The following UTRN variants were observed in gnomAD, a reference collection of about 807,000 sequenced individuals.
UTRN encodes the protein utrophin.
Under a neutral mutation model 463.9 loss-of-function variants are expected in UTRN, and 283 were observed. The observed-to-expected ratio is 0.61, with a 90% CI of 0.55 to 0.67. The LOEUF (loss-of-function observed/expected upper bound fraction) is 0.67, where lower values mean the gene tolerates loss of function less well. Ranked by LOEUF, UTRN falls within the 30% of genes least tolerant of loss-of-function variation. UTRN has a pLI of 0.00. For missense variants in UTRN, 3,922 were observed against 4,084.3 expected (o/e 0.96, Z 1.08); for synonymous variants, 1,442 against 1,431.5 (o/e 1.01, Z -0.17).
chr6:144,551,958 A>G (rs1798958237), intron 48 of UTRN, among the ~76,000 whole-genome samples: 1 of 152,014 alleles, frequency 6.6e-6, no homozygotes, highest in African/African-American at 2.4e-5. Flanking sequence ...TCCCTGGTGA[A>G]TGTTAATTTC....
intron 13 of UTRN, 110 bp downstream of exon 13, chr6:144,440,581 A>G: frequency 7.0e-7 from 1 of 1,432,726 alleles, no homozygotes; most frequent in South Asian, 1.3e-5. Flanking sequence ...AGAAGGGTAG[A>G]AAAACCTACC....
intron 51 of UTRN, among the ~76,000 whole-genome samples, chr6:144,620,509 T>C (rs957507503): frequency 2.0e-5 from 3 of 152,108 alleles, no homozygotes; most frequent in Admixed American, 2.0e-4. Flanking sequence ...ATTTGGGAGA[T>C]GTTAAATTTC....
chr6:144,604,618 T>C (rs1193986151), intron 51 of UTRN, among the ~76,000 whole-genome samples: 1 of 152,094 alleles, frequency 6.6e-6, no homozygotes, highest in East Asian at 1.9e-4. Context: ...TATTAAAGTT[T>C]GATAGCATAA....
chr6:144,821,079 A>T, intron 66 of UTRN, 61 bp downstream of exon 66: 9 of 1,561,312 alleles, frequency 5.8e-6, no homozygotes, highest in Non-Finnish European at 7.8e-6. Context: ...TGTCTTTTTT[A>T]TGTTAGTAAC....
intron 2 of UTRN, among the ~76,000 whole-genome samples, chr6:144,293,258 T>C (rs1236933522): frequency 6.6e-6 from 1 of 152,126 alleles, no homozygotes; most frequent in Non-Finnish European, 1.5e-5. Context: ...CTATAAATTG[T>C]GAGGAGGTAT....
At chr6:144,680,620 C>G (rs903301025) in intron 52 of UTRN, among the ~76,000 whole-genome samples, 1 of 151,998 alleles carries the variant, frequency 6.6e-6, no homozygotes, top group Non-Finnish European at 1.5e-5. Context: ...AGATGTAGTC[C>G]CTACCCCTAG....
intron 51 of UTRN, among the ~76,000 whole-genome samples, chr6:144,578,015 C>A (rs1254731132): frequency 6.6e-6 from 1 of 152,090 alleles, no homozygotes. Flanking sequence ...CCAGCCTGGC[C>A]AACATGGTGA....
At position 144,453,878 on chromosome 6, in the gene UTRN, C is replaced by G; in HGVS notation, c.2284+9C>G. The G allele has an allele frequency of 6.2e-7, 1 of 1,608,640 alleles. No individual in the cohort carries two copies. The highest frequency in any genetic ancestry group is 1.1e-5 in the South Asian group (1 of 90,352). ...GGAGCAAATGGGAAAAGGTAAGATCCTTGATTTTTTTCCCCTATATTTTTC... is the reference window on the plus strand; with the variant it reads ...GGAGCAAATGGGAAAAGGTAAGATCGTTGATTTTTTTCCCCTATATTTTTC... On this transcript the variant is annotated intron_variant, in intron 19 of 74. Coordinates refer to ENST00000367545, the MANE Select transcript of UTRN (RefSeq NM_007124.3).
intron 65 of UTRN, among the ~76,000 whole-genome samples, chr6:144,815,790 T>C (rs1052911645): frequency 1.2e-4 from 18 of 152,208 alleles, no homozygotes; most frequent in African/African-American, 4.3e-4. Context: ...GACTAAAATA[T>C]TAATCTCCTT....
intron 53 of UTRN, among the ~76,000 whole-genome samples, chr6:144,717,005 T>G (rs779486532): frequency 2.6e-5 from 4 of 152,252 alleles, no homozygotes; most frequent in Non-Finnish European, 5.9e-5. Flanking sequence ...TTAGGATATA[T>G]TCCCAAAAGT....
chr6:144,310,827 A>T (rs1806197324), intron 2 of UTRN, among the ~76,000 whole-genome samples: 1 of 152,236 alleles, frequency 6.6e-6, no homozygotes, highest in South Asian at 2.1e-4. Flanking sequence ...TCCCTGAGAA[A>T]AATATCAGTT....
intron 65 of UTRN, among the ~76,000 whole-genome samples, chr6:144,808,718 A>G (rs1778360110): frequency 1.3e-5 from 2 of 150,972 alleles, no homozygotes; most frequent in South Asian, 4.1e-4. Context: ...CTGTGCTACT[A>G]TGAGCTTGAC....
intron 65 of UTRN, among the ~76,000 whole-genome samples, chr6:144,820,523 A>G (rs868155315): frequency 6.6e-6 from 1 of 152,154 alleles, no homozygotes; most frequent in East Asian, 1.9e-4. Flanking sequence ...CACTATATTA[A>G]TAGCAAATTG....
intron 4 of UTRN, 81 bp downstream of exon 4, chr6:144,422,051 T>G: frequency 8.8e-7 from 1 of 1,133,170 alleles, no homozygotes. Flanking sequence ...CCCATTAAAG[T>G]GAAAGTATCC....
chr6:144,308,460 T>C (rs1805948769), intron 2 of UTRN, among the ~76,000 whole-genome samples: 1 of 152,132 alleles, frequency 6.6e-6, no homozygotes, highest in Non-Finnish European at 1.5e-5. Flanking sequence ...TGGCTAATTT[T>C]TGTATTTTTT....
intron 50 of UTRN, among the ~76,000 whole-genome samples, chr6:144,561,210 T>TAC (rs1234463237): frequency 0.32 from 2,214 of 6,874 alleles, 129 homozygotes; most frequent in Non-Finnish European, 0.41. Flanking sequence ...TAACATTATA[T>TAC]ATATATATAT....
chr6:144,847,303 A>G (rs77142983), intron 74 of UTRN, among the ~76,000 whole-genome samples: 2 of 152,298 alleles, frequency 1.3e-5, no homozygotes, highest in African/African-American at 4.8e-5. Context: ...ATAAACCAAA[A>G]AGTGTATGAG....
chr6:144,462,074 C>T (rs908997270), intron 22 of UTRN, among the ~76,000 whole-genome samples: 1 of 152,102 alleles, frequency 6.6e-6, no homozygotes, highest in Non-Finnish European at 1.5e-5. Flanking sequence ...CCCCACCCTC[C>T]AACAGACCCC....
chr6:144,470,212 T>C (rs1213631441), intron 23 of UTRN, among the ~76,000 whole-genome samples: 3 of 152,208 alleles, frequency 2.0e-5, no homozygotes, highest in African/African-American at 7.2e-5. Context: ...AATGAGCTGT[T>C]GGGTACACCT....
Sources: allele counts gnomAD v4.1 joint callset (sites outside exome capture counted in the v4.1 genomes callset), GRCh38; gene constraint gnomAD v4.1.1; transcripts MANE v1.5; gene names NCBI Gene and HGNC (gene_info 2026-07-23, HGNC 2026-07-21).